The following CORO2B variants were observed in gnomAD, a reference collection of about 807,000 sequenced individuals.
CORO2B encodes coronin 2B, also known as coronin-2B.
Under a neutral mutation model 58.8 loss-of-function variants are expected in CORO2B, and 26 were observed. That is an observed-to-expected ratio of 0.44 (90% CI 0.32 to 0.61). The LOEUF (loss-of-function observed/expected upper bound fraction) is 0.61, where lower values mean the gene tolerates loss of function less well. Ranked by LOEUF, CORO2B falls within the 20% of genes least tolerant of loss-of-function variation. The probability of loss-of-function intolerance (pLI) is 0.04; values close to 1 mark genes in which losing one functional copy is unlikely to be tolerated. For missense variants in CORO2B, 460 were observed against 645.1 expected, an observed-to-expected ratio of 0.71 and a Z score of 3.11; for synonymous variants, 242 against 253.8, an observed-to-expected ratio of 0.95 and a Z score of 0.44.
chr15:68,623,243 C>T (rs549352764), intron 1 of CORO2B, among the ~76,000 whole-genome samples: 1 of 152,148 alleles, frequency 6.6e-6, no homozygotes, highest in Non-Finnish European at 1.5e-5. Context: ...GGTCACACAG[C>T]GAGGAACCGG....
chr15:68,710,919 G>A lies in CORO2B; in HGVS notation c.483+38G>A, dbSNP rs745679684. ...CAGGCAGCTGGGTGGAGAGGGATTG[G>A]GGAAGAGAAAGGGGCCTTTTGGGTA... On this transcript the variant is annotated intron_variant, in intron 4 of 11. Coordinates refer to ENST00000261861, the MANE Select transcript of CORO2B (RefSeq NM_006091.5). The surrounding 1 kb of genome is among the most constrained non-coding windows in gnomAD (Gnocchi z 4.1). 1 of 1,554,594 alleles carries A rather than the reference G, an allele frequency of 6.4e-7. No individual in the cohort carries two copies. The highest frequency in any genetic ancestry group is 8.7e-7 in the Non-Finnish European group (1 of 1,145,540).
chr15:68,628,137 A>G (rs1190864896), intron 1 of CORO2B, among the ~76,000 whole-genome samples: 1 of 152,248 alleles, frequency 6.6e-6, no homozygotes, highest in Non-Finnish European at 1.5e-5. Context: ...TAAATATTCA[A>G]CAATAATGGT....
the CORO2B span, among the ~76,000 whole-genome samples, chr15:68,539,677 GTAA>G: frequency 3.7e-4 from 56 of 152,022 alleles, no homozygotes; most frequent in Admixed American, 1.4e-3. Context: ...ATAAATAATA[GTAA>G]TAATAATATT....
At chr15:68,665,019 T>C (rs982702588) in intron 2 of CORO2B, among the ~76,000 whole-genome samples, 3 of 152,218 alleles carry the variant, frequency 2.0e-5, no homozygotes, top group Non-Finnish European at 4.4e-5. Flanking sequence ...CAGTCTTTTA[T>C]GGCTTCTGGA....
chr15:68,683,289 CAT>C (rs921882106), intron 2 of CORO2B, among the ~76,000 whole-genome samples: 5 of 152,162 alleles, frequency 3.3e-5, no homozygotes, highest in Non-Finnish European at 7.4e-5. Context: ...GGGGTCCAGC[CAT>C]GGGAAGATAC....
intron 3 of CORO2B, among the ~76,000 whole-genome samples, chr15:68,697,214 T>A (rs199916811): frequency 6.8e-6 from 1 of 148,006 alleles, no homozygotes; most frequent in African/African-American, 2.5e-5. Context: ...GGATGGATTG[T>A]TGGATGGATG....
chr15:68,633,538 C>CACACACACAA (rs1320772023), intron 1 of CORO2B, among the ~76,000 whole-genome samples: 1 of 151,874 alleles, frequency 6.6e-6, no homozygotes, highest in Non-Finnish European at 1.5e-5. Context: ...CACACACACA[C>CACACACACAA]ACACACACTC....
At chr15:68,687,669 A>G (rs1303046904) in intron 2 of CORO2B, among the ~76,000 whole-genome samples, 2 of 152,252 alleles carry the variant, frequency 1.3e-5, no homozygotes, top group African/African-American at 4.8e-5. Context: ...GTTGCTGGGC[A>G]CATTTACAAT....
At chr15:68,575,583 G>GCCCCCCC (rs1423253475), upstream of CORO2B, among the ~76,000 whole-genome samples, 2 of 55,984 alleles carry the variant, frequency 3.6e-5, 1 homozygote, top group Non-Finnish European at 7.5e-5. Flanking sequence ...ATCTGCCCCC[G>GCCCCCCC]CCTCGGCCTC....
chr15:68,701,760 A>C (rs975235917), intron 3 of CORO2B, among the ~76,000 whole-genome samples: 1 of 152,062 alleles, frequency 6.6e-6, no homozygotes, highest in Admixed American at 6.5e-5. Flanking sequence ...CTGGGATTAC[A>C]GGCGTGAGCC....
chr15:68,713,627 C>A (rs1892968050), intron 5 of CORO2B, among the ~76,000 whole-genome samples: 1 of 152,178 alleles, frequency 6.6e-6, no homozygotes, highest in African/African-American at 2.4e-5. Context: ...GTGGCCACAT[C>A]ACTCCAGTCT....
At chr15:68,573,170 C>T in the CORO2B span, among the ~76,000 whole-genome samples, 8 of 152,178 alleles carry the variant, frequency 5.3e-5, no homozygotes, top group South Asian at 2.1e-4. Flanking sequence ...AGGTGAAAGA[C>T]AACACCCCAG....
At chr15:68,569,101 G>A in the CORO2B span, among the ~76,000 whole-genome samples, 1 of 152,030 alleles carries the variant, frequency 6.6e-6, no homozygotes, top group African/African-American at 2.4e-5. Context: ...CCACCAAAGT[G>A]GTACATTTGT....
At chr15:68,662,227 T>A (rs1902039441) in intron 2 of CORO2B, among the ~76,000 whole-genome samples, 1 of 152,160 alleles carries the variant, frequency 6.6e-6, no homozygotes, top group Non-Finnish European at 1.5e-5. Context: ...CTTTAGATCG[T>A]TCAACTTCCT....
chr15:68,685,697 C>A (rs963880020), intron 2 of CORO2B, among the ~76,000 whole-genome samples: 8 of 152,164 alleles, frequency 5.3e-5, no homozygotes, highest in African/African-American at 1.7e-4. Context: ...TCCGGGAAAC[C>A]CATTAAAAAT....
chr15:68,611,166 A>C (rs1206551530), intron 1 of CORO2B, among the ~76,000 whole-genome samples: 1 of 152,190 alleles, frequency 6.6e-6, no homozygotes, highest in African/African-American at 2.4e-5. Context: ...GGAAAAGAAG[A>C]ATGCAGAGTC....
intron 1 of CORO2B, among the ~76,000 whole-genome samples, chr15:68,609,585 G>A (rs1900200424): frequency 6.6e-6 from 1 of 152,196 alleles, no homozygotes; most frequent in Non-Finnish European, 1.5e-5. Flanking sequence ...GGAGTTGGGG[G>A]AGTAAATGGG....
intron 2 of CORO2B, among the ~76,000 whole-genome samples, chr15:68,670,868 G>A (rs1902368902): frequency 6.6e-6 from 1 of 152,188 alleles, no homozygotes; most frequent in Admixed American, 6.5e-5. Context: ...GTGTAAATTA[G>A]TACAACCATT....
chr15:68,566,781 T>C, the CORO2B span, among the ~76,000 whole-genome samples: 1 of 152,180 alleles, frequency 6.6e-6, no homozygotes, highest in Non-Finnish European at 1.5e-5. Context: ...GAGCCCAGCA[T>C]GAGACAGGGT....
Sources: allele counts gnomAD v4.1 joint callset (sites outside exome capture counted in the v4.1 genomes callset), GRCh38; gene constraint gnomAD v4.1.1; non-coding constraint Gnocchi (gnomAD v3.1); transcripts MANE v1.5; gene names NCBI Gene and HGNC (gene_info 2026-07-23, HGNC 2026-07-21).